The following DPH6 variants were observed in gnomAD, a reference collection of about 807,000 sequenced individuals.
The protein encoded by DPH6 is diphthamine biosynthesis 6.
Under a neutral mutation model 38.2 loss-of-function variants are expected in DPH6, and 33 were observed. The observed-to-expected ratio is 0.86, with a 90% CI of 0.65 to 1.15. The LOEUF is 1.15. Among genes scored for constraint, DPH6 ranks in the 50% most tolerant of loss-of-function variants. DPH6 has a pLI of 0.00. For missense variants in DPH6, 325 were observed against 320.0 expected (o/e 1.02, Z -0.12); for synonymous variants, 108 against 103.0 (o/e 1.05, Z -0.30).
intron 3 of DPH6, among the ~76,000 whole-genome samples, chr15:35,461,124 G>A (rs913138445): frequency 1.3e-5 from 2 of 151,950 alleles, no homozygotes; most frequent in East Asian, 1.9e-4. Context: ...TCGCTCTGTC[G>A]CCCAGGCTGG....
intron 3 of DPH6, among the ~76,000 whole-genome samples, chr15:35,262,923 T>A (rs955788939): frequency 1.4e-4 from 22 of 152,090 alleles, no homozygotes; most frequent in Admixed American, 1.4e-3. Flanking sequence ...TCATGCAGAA[T>A]TTTGCCCTTA....
intron 6 of DPH6, chr15:35,400,885 G>A: frequency 1.1e-6 from 1 of 937,170 alleles, no homozygotes; most frequent in Non-Finnish European, 1.7e-6. Flanking sequence ...TGCCACTGTG[G>A]AGGAGGTGGA....
At chr15:35,148,505 C>A in the DPH6 span, among the ~76,000 whole-genome samples, 1 of 152,144 alleles carries the variant, frequency 6.6e-6, no homozygotes, top group Non-Finnish European at 1.5e-5. Flanking sequence ...AGTATTCCTA[C>A]CATCCACTCA....
chr15:35,317,094 C>CA (rs1370760820), intron 3 of DPH6, among the ~76,000 whole-genome samples: 1 of 151,540 alleles, frequency 6.6e-6, no homozygotes, highest in African/African-American at 2.4e-5. Flanking sequence ...CCTATCTCTA[C>CA]AAAAAATACA....
At chr15:35,434,503 A>G (rs1406415308) in intron 5 of DPH6, among the ~76,000 whole-genome samples, 2 of 152,212 alleles carry the variant, frequency 1.3e-5, no homozygotes, top group Non-Finnish European at 2.9e-5. Context: ...AATTGATTAT[A>G]TCAGTAAAAA....
chr15:35,466,643 A>C (rs1164716650), intron 3 of DPH6, among the ~76,000 whole-genome samples: 1 of 152,176 alleles, frequency 6.6e-6, no homozygotes, highest in East Asian at 1.9e-4. Context: ...ATTCTAAGGA[A>C]TGAGTCATTA....
the DPH6 span, among the ~76,000 whole-genome samples, chr15:35,145,434 AGAG>A: frequency 2.6e-5 from 4 of 152,330 alleles, no homozygotes; most frequent in South Asian, 8.3e-4. Context: ...ATTCTTCATT[AGAG>A]GAGTTACAAT....
chr15:35,168,551 C>T, the DPH6 span, among the ~76,000 whole-genome samples: 1 of 151,720 alleles, frequency 6.6e-6, no homozygotes, highest in African/African-American at 2.4e-5. Flanking sequence ...TAAAAGGATC[C>T]AAGGATGAAT....
chr15:35,202,283 T>G, the DPH6 span, among the ~76,000 whole-genome samples: 1 of 151,816 alleles, frequency 6.6e-6, no homozygotes, highest in Non-Finnish European at 1.5e-5. Flanking sequence ...CTGTATTAAT[T>G]CACTCCTAAT....
At chr15:35,429,530 G>A (rs961319876) in intron 5 of DPH6, among the ~76,000 whole-genome samples, 1 of 152,036 alleles carries the variant, frequency 6.6e-6, no homozygotes, top group African/African-American at 2.4e-5. Flanking sequence ...GAAAAGTGTT[G>A]AATAAAGAAA....
chr15:35,473,363 A>G (rs143709629), intron 3 of DPH6, among the ~76,000 whole-genome samples: 80 of 152,302 alleles, frequency 5.3e-4, no homozygotes, highest in Middle Eastern at 3.4e-3. Flanking sequence ...AAGGACTCCA[A>G]TCCACATCAT....
intron 3 of DPH6, among the ~76,000 whole-genome samples, chr15:35,295,721 T>C (rs1357953391): frequency 6.6e-6 from 1 of 152,194 alleles, no homozygotes; most frequent in African/African-American, 2.4e-5. Flanking sequence ...TCTGATCCAT[T>C]AGTAATCATA....
intron 5 of DPH6, among the ~76,000 whole-genome samples, chr15:35,436,550 A>T (rs1407717534): frequency 6.2e-5 from 9 of 144,884 alleles, no homozygotes; most frequent in Non-Finnish European, 1.4e-4. Flanking sequence ...ACTGCACTCC[A>T]GCCTGGGTGA....
intron 3 of DPH6, among the ~76,000 whole-genome samples, chr15:35,233,604 A>G (rs569298105): frequency 2.0e-5 from 3 of 152,284 alleles, no homozygotes; most frequent in African/African-American, 7.2e-5. Flanking sequence ...TTCCCTGGGA[A>G]CAGCTGAAGA....
intron 3 of DPH6, among the ~76,000 whole-genome samples, chr15:35,341,686 G>A (rs1413270462): frequency 1.3e-5 from 2 of 152,126 alleles, no homozygotes; most frequent in Non-Finnish European, 2.9e-5. Context: ...TGTGCCTGGA[G>A]GCATCACCAG....
At position 35,532,110 on chromosome 15, in the gene DPH6, A is replaced by G. The variant is rs2055097862; in HGVS notation, c.312+6164T>C. On this transcript the variant is annotated intron_variant, in intron 3 of 8. Transcript: ENST00000256538. ...GAAAAGCACAGCCGAAGACTCAGAC[A>G]TGAAAAGCAATCTCCTAGAAACTAA... Among the ~76,000 whole-genome samples the G allele has an allele frequency of 2.6e-5, 4 of 152,306 alleles. No individual in the cohort carries two copies. The South Asian group carries it at 8.3e-4, about 32-fold the overall frequency.
intron 5 of DPH6, among the ~76,000 whole-genome samples, chr15:35,432,435 C>A (rs1164403548): frequency 6.6e-6 from 1 of 152,016 alleles, no homozygotes; most frequent in East Asian, 1.9e-4. Context: ...AGAAATTAAC[C>A]CAATGAGCAC....
chr15:35,149,453 G>T, the DPH6 span, among the ~76,000 whole-genome samples: 8 of 152,140 alleles, frequency 5.3e-5, no homozygotes, highest in Non-Finnish European at 1.0e-4. Context: ...TGGCCAGGCT[G>T]GTCTTAAACT....
intron 5 of DPH6, among the ~76,000 whole-genome samples, chr15:35,421,620 T>A (rs2053506526): frequency 3.3e-5 from 5 of 152,176 alleles, no homozygotes; most frequent in Admixed American, 2.6e-4. Context: ...TCCTAATCTT[T>A]CTTATCAGTT....
Sources: gnomAD v4.1 joint callset for allele counts (sites outside exome capture counted in the v4.1 genomes callset) on GRCh38, gnomAD v4.1.1 for gene constraint, MANE v1.5 for transcripts, NCBI Gene and HGNC (gene_info 2026-07-23, HGNC 2026-07-21) for gene names.